RNF141: variants seen among roughly 807,000 people sequenced by gnomAD.
RNF141 encodes ring finger protein 141.
A neutral mutation model predicts 27.4 loss-of-function variants in RNF141; 18 were observed. The ratio of observed to expected loss-of-function variants is 0.66; its 90% CI spans 0.45 to 0.97. The LOEUF is 0.97. Ranked by LOEUF, RNF141 falls within the 50% of genes least tolerant of loss-of-function variation. The probability of loss-of-function intolerance (pLI) is 0.00; values close to 1 mark genes in which losing one functional copy is unlikely to be tolerated. For synonymous variants in RNF141, 97 were observed against 96.6 expected, an observed-to-expected ratio of 1.00 and a Z score of -0.02; for missense variants, 230 against 279.4, an observed-to-expected ratio of 0.82 and a Z score of 1.26.
chr11:10,525,599 T>A (rs931968899), intron 3 of RNF141, among the ~76,000 whole-genome samples: 1 of 152,168 alleles, frequency 6.6e-6, no homozygotes, highest in East Asian at 1.9e-4. Context: ...ACACACAAAA[T>A]CACCCTGTAA....
At chr11:10,522,902 A>G (rs919348993) in intron 4 of RNF141, among the ~76,000 whole-genome samples, 2 of 152,238 alleles carry the variant, frequency 1.3e-5, no homozygotes, top group Admixed American at 1.3e-4. Context: ...TGATTTGTCA[A>G]AAAAATCACA....
chr11:10,537,429 C>T (rs1333072429), intron 1 of RNF141, among the ~76,000 whole-genome samples: 1 of 152,046 alleles, frequency 6.6e-6, no homozygotes, highest in Admixed American at 6.6e-5. Context: ...ATCTACATTA[C>T]TTAACAAAGA....
In RNF141 at chr11:10,534,064, G is replaced by A. The variant is rs756557395; in HGVS notation, c.95C>T (p.Ser32Phe). Residue 32 changes from serine to phenylalanine, a missense_variant, in exon 2 of 6, where the codon TCC becomes TTC. Coordinates refer to ENST00000265981, the MANE Select transcript of RNF141 (RefSeq NM_016422.4). ...KHVTLVRESG[S>F]LTYEEFLGRV... ...CCCAAGAAATTCTTCATAAGTTAAG[G>A]AGCCACTCTCTCGAACCAACGTAAC... 45 of 1,613,380 alleles carry A rather than the reference G, an allele frequency of 2.8e-5. No homozygotes were observed. The highest frequency in any genetic ancestry group is 3.8e-5 in the Non-Finnish European group (45 of 1,179,614).
At position 10,534,160 on chromosome 11, in the gene RNF141, A is replaced by T. The variant is rs764567589; in HGVS notation, c.-2T>A. ...CTGATCCGAAATTTGCTGTCCCATG[A>T]TGAAAAGATGTCTTTCAAAATCCAG... On this transcript the variant is annotated 5_prime_UTR_variant, in exon 2 of 6. Transcript: ENST00000265981. 54 of 1,611,724 alleles carry T rather than the reference A, an allele frequency of 3.4e-5. No individual in the cohort carries two copies. In the Admixed American group the frequency reaches 6.9e-4, roughly 21 times the overall value.
At chr11:10,522,385 T>C (rs1183193474) in intron 4 of RNF141, among the ~76,000 whole-genome samples, 1 of 152,232 alleles carries the variant, frequency 6.6e-6, no homozygotes, top group African/African-American at 2.4e-5. Flanking sequence ...TACAAAGTTC[T>C]CTTAACTTTT....
chr11:10,524,917 T>G (rs1849918599), intron 4 of RNF141, among the ~76,000 whole-genome samples: 1 of 152,182 alleles, frequency 6.6e-6, no homozygotes, highest in Non-Finnish European at 1.5e-5. Context: ...GTTAACTATC[T>G]CCTTTGTCAA....
At chr11:10,538,664 T>C (rs771958373) in intron 1 of RNF141, among the ~76,000 whole-genome samples, 2 of 152,248 alleles carry the variant, frequency 1.3e-5, no homozygotes, top group Non-Finnish European at 2.9e-5. Flanking sequence ...GTAAATACCA[T>C]TGGCAGTTTT....
rs1368071761 is a variant in RNF141, at chr11:10,534,030, A to C, written c.129T>G (p.Ala43=). The C allele has an allele frequency of 6.2e-7, 1 of 1,613,434 alleles. No homozygotes were observed. Among genetic ancestry groups the C allele is most frequent in the Non-Finnish European group, 8.5e-7 (1 of 1,179,592 alleles). ...GCAAGCCTTACACATCATTAAGCTC[A>C]GCTACTCTCCCAAGAAATTCTTCAT... The part of the protein sequence containing the change: ...LTYEEFLGRV[A]ELNDVTAKVA... Residue 43 remains alanine, a synonymous_variant, in exon 2 of 6, where the codon GCT becomes GCG. Transcript: ENST00000265981.
chr11:10,532,537 A>ACACCCC (rs777997279), intron 2 of RNF141, among the ~76,000 whole-genome samples: 2 of 94,986 alleles, frequency 2.1e-5, no homozygotes, highest in East Asian at 2.6e-4. Context: ...ACACACACAC[A>ACACCCC]CCCCACAACT....
intron 5 of RNF141, 59 bp downstream of exon 5, chr11:10,518,975 A>T: frequency 7.6e-7 from 1 of 1,317,008 alleles, no homozygotes; most frequent in Non-Finnish European, 1.1e-6. Flanking sequence ...TTCAAAGTTT[A>T]TTCATGTACA....
intron 2 of RNF141, among the ~76,000 whole-genome samples, chr11:10,532,944 G>A (rs776880104): frequency 6.6e-5 from 10 of 152,192 alleles, no homozygotes; most frequent in Non-Finnish European, 1.3e-4. Context: ...ATTAATACCT[G>A]CGTAATCAAC....
At chr11:10,530,504 A>G (rs1157266274) in intron 3 of RNF141, 139 bp downstream of exon 3, 7 of 451,890 alleles carry the variant, frequency 1.5e-5, no homozygotes, top group African/African-American at 2.0e-5. Context: ...TTAGAAGGCA[A>G]TAACAGTAAC....
In RNF141 at chr11:10,515,041, T is replaced by C. The variant is rs554772374; in HGVS notation, c.568A>G (p.Ile190Val). The part of the protein sequence containing the change: ...KWSDRHRNCP[I>V]CRLQMTGANE... ...GCTCCAGTCATCTGTAGGCGACAAA[T>C]AGGGCAATTCCTGTGTCGATCACTC... is the stretch of plus-strand genomic sequence containing the variant. The change falls in exon 6 of 6, where the codon ATT (isoleucine) becomes GTT (valine). Residue 190 changes from isoleucine to valine, a missense_variant. Coordinates refer to ENST00000265981, the MANE Select transcript of RNF141 (RefSeq NM_016422.4). The C allele has an allele frequency of 1.1e-4, 182 of 1,613,902 alleles. 2 individuals carry two copies. The South Asian group carries it at 1.9e-3, about 16-fold the overall frequency.
rs1288713928 is a variant in RNF141 at position 10,530,770 on chromosome 11, A to T, written c.144-19T>A. 6.7e-7 allele frequency: 1 copy of T among 1,486,948 alleles called. No homozygotes were observed. The highest frequency in any genetic ancestry group is 1.4e-5 in the African/African-American group (1 of 71,002). The allele number at this position is 1,486,948 out of a possible 1,614,324, so 92.1% of individuals were successfully genotyped here. A position where few individuals can be genotyped will look rare whatever the true frequency, so the allele number is the denominator to read the frequency against. Reference sequence around the variant, plus strand: ...AGCCGTTCTGAAAAGAGACAAGAACATGTTAATTTTATGAAAAATCATATA... The same window carrying T: ...AGCCGTTCTGAAAAGAGACAAGAACTTGTTAATTTTATGAAAAATCATATA... On this transcript the variant is annotated intron_variant, in intron 2 of 5. Coordinates refer to ENST00000265981, the MANE Select transcript of RNF141 (RefSeq NM_016422.4).
chr11:10,525,059 T>C, intron 4 of RNF141, 133 bp downstream of exon 4: 1 of 605,670 alleles, frequency 1.7e-6, no homozygotes, highest in Non-Finnish European at 2.6e-6. Flanking sequence ...CCAAAACTGA[T>C]CTCAGATACA....
intron 1 of RNF141, among the ~76,000 whole-genome samples, chr11:10,539,573 C>CT (rs35522358): frequency 2.4e-3 from 339 of 143,868 alleles, no homozygotes; most frequent in Non-Finnish European, 3.7e-3. Flanking sequence ...CAGATATCAA[C>CT]TTTTTTTTTT....
In RNF141 at chr11:10,519,083, G is replaced by A. The variant is rs1849865388; in HGVS notation, c.493C>T (p.Leu165Phe). 1 of 1,613,990 alleles carries A rather than the reference G, an allele frequency of 6.2e-7. No individual in the cohort carries two copies. Among genetic ancestry groups the A allele is most frequent in the Non-Finnish European group, 8.5e-7 (1 of 1,179,954 alleles). Residue 165 changes from leucine (L) to phenylalanine (F), a missense_variant, in exon 5 of 6, where the codon CTC (leucine) becomes TTC (phenylalanine). Physicochemically the swap from Leu to Phe is conservative, Grantham distance 22. Transcript: ENST00000265981. ...CCICMDGRAD[L>F]ILPCAHSFCQ... ...AAGCTGTGAGCACAAGGCAGGATGA[G>A]GTCAGCCCGCCCATCCATACAGATA...
chr11:10,541,070 T>G (rs1458961951), intron 1 of RNF141, 52 bp downstream of exon 1: 1 of 151,886 alleles, frequency 6.6e-6, no homozygotes, highest in Non-Finnish European at 1.5e-5. Flanking sequence ...AGACCCAGAG[T>G]CCTGGAGCAG....
At chr11:10,533,972 A>G in intron 2 of RNF141, 44 bp downstream of exon 2, 1 of 1,590,800 alleles carries the variant, frequency 6.3e-7, no homozygotes, top group Non-Finnish European at 8.6e-7. Flanking sequence ...TGGGGCATAC[A>G]TACAACAAGG....
Sources: allele counts gnomAD v4.1 joint callset (sites outside exome capture counted in the v4.1 genomes callset), GRCh38; gene constraint gnomAD v4.1.1; transcripts MANE v1.5; gene names NCBI Gene and HGNC (gene_info 2026-07-23, HGNC 2026-07-21).